The following CHMP1A variants were observed in gnomAD, a reference collection of about 807,000 sequenced individuals.
The protein encoded by CHMP1A is charged multivesicular body protein 1A.
Under a neutral mutation model 27.0 loss-of-function variants are expected in CHMP1A, and 17 were observed. The ratio of observed to expected loss-of-function variants is 0.63; its 90% CI spans 0.43 to 0.95. The LOEUF (loss-of-function observed/expected upper bound fraction) is 0.95, where lower values mean the gene tolerates loss of function less well. Among genes scored for constraint, CHMP1A ranks in the 40% least tolerant of loss-of-function variants. The pLI is 0.00. For synonymous variants in CHMP1A, 131 were observed against 107.5 expected, an observed-to-expected ratio of 1.22 and a Z score of -1.35; for missense variants, 275 against 264.0, an observed-to-expected ratio of 1.04 and a Z score of -0.29.
At position 89,646,008 on chromosome 16, in the gene CHMP1A, G is replaced by A; in HGVS notation, c.*58C>T. ...ACAAAGGCAAGACGCGGTGGGGAGA[G>A]GACAGGAGCCTTCCAGCACATCACG... On this transcript the variant is annotated 3_prime_UTR_variant, in exon 7 of 7. Transcript: ENST00000397901. 1.2e-6 allele frequency: 2 copies of A among 1,610,188 alleles called. No individual in the cohort carries two copies. The highest frequency in any genetic ancestry group is 1.7e-6 in the Non-Finnish European group (2 of 1,178,706).
chr16:89,653,172 C>T (rs1347479819), intron 2 of CHMP1A, among the ~76,000 whole-genome samples: 1 of 150,920 alleles, frequency 6.6e-6, no homozygotes, highest in Admixed American at 6.6e-5. Flanking sequence ...TGCCTGCCAC[C>T]GCGCCCGGCT....
chr16:89,657,504 G>A (rs562089695), intron 1 of CHMP1A, 78 bp downstream of exon 1: 2 of 1,576,770 alleles, frequency 1.3e-6, no homozygotes, highest in Admixed American at 3.6e-5. Context: ...GCGGCCCCAG[G>A]TGGGCGGAGC....
chr16:89,657,454 G>T (rs1597796327), intron 1 of CHMP1A, 128 bp downstream of exon 1: 1 of 1,174,894 alleles, frequency 8.5e-7, no homozygotes, highest in Non-Finnish European at 1.2e-6. Context: ...GGGTCCCGGG[G>T]GATCGACGGT....
intron 3 of CHMP1A, 165 bp from the exon 4 acceptor site, chr16:89,649,662 G>A (rs1001776666): frequency 6.6e-5 from 50 of 760,600 alleles, no homozygotes; most frequent in Middle Eastern, 3.5e-4. Flanking sequence ...CGCAAGCTCC[G>A]CCCCCCAGGT....
Position 89,657,490 on chromosome 16 carries a change from G to C in CHMP1A, c.7+92C>G. 2.6e-6 allele frequency: 4 copies of C among 1,522,374 alleles called. No individual in the cohort carries two copies. The Admixed American group carries it at 7.5e-5, about 28-fold the overall frequency. The allele number at this position is 1,522,374 out of a possible 1,614,324, so 94.3% of individuals were successfully genotyped here. On this transcript the variant is annotated intron_variant, in intron 1 of 6. Transcript: ENST00000397901. ...CGAGGCCCGAGCTCTCCTGAGTCCT[G>C]CCCGCGGCCCCAGGTGGGCGGAGCC...
At position 89,645,987 on chromosome 16, in the gene CHMP1A, AGGCAAGACGC is replaced by A; in HGVS notation, c.*69_*78del. The A allele has an allele frequency of 6.2e-7, 1 of 1,612,426 alleles. No individual in the cohort carries two copies. ...CCGCAGCCCCGCGGGGTCAGCACAA[AGGCAAGACGC>A]GGTGGGGAGAGGACAGGAGCCTTCC... On this transcript the variant is annotated 3_prime_UTR_variant, in exon 7 of 7. Transcript: ENST00000397901.
chr16:89,654,970 T>A (rs992963472), intron 1 of CHMP1A, among the ~76,000 whole-genome samples: 25 of 152,036 alleles, frequency 1.6e-4, no homozygotes, highest in Middle Eastern at 3.4e-3. Context: ...ATATTTTTTT[T>A]AAAAAGTAGG....
rs2059770730 is a variant in CHMP1A, at chr16:89,646,008, G to C, written c.*58C>G. The C allele has an allele frequency of 1.9e-6, 3 of 1,610,070 alleles. No individual in the cohort carries two copies. Among genetic ancestry groups the C allele is most frequent in the Non-Finnish European group, 2.5e-6 (3 of 1,178,714 alleles). ...ACAAAGGCAAGACGCGGTGGGGAGA[G>C]GACAGGAGCCTTCCAGCACATCACG... On this transcript the variant is annotated 3_prime_UTR_variant, in exon 7 of 7. Coordinates refer to ENST00000397901, the MANE Select transcript of CHMP1A (RefSeq NM_002768.5).
At chr16:89,657,404 G>T (rs545189841) in intron 1 of CHMP1A, among the ~76,000 whole-genome samples, 178 bp downstream of exon 1, 1 of 151,090 alleles carries the variant, frequency 6.6e-6, no homozygotes, top group African/African-American at 2.4e-5. Context: ...CGACGACCGG[G>T]AAAAGGGGTC....
chr16:89,647,165 G>C, intron 5 of CHMP1A, 38 bp downstream of exon 5: 2 of 1,602,096 alleles, frequency 1.2e-6, no homozygotes, highest in East Asian at 4.5e-5. Context: ...CACGCTCCTT[G>C]TCCCCAGGCC....
intron 4 of CHMP1A, among the ~76,000 whole-genome samples, 188 bp from the exon 5 acceptor site, chr16:89,647,519 T>G (rs940852433): frequency 6.8e-5 from 10 of 147,524 alleles, no homozygotes; most frequent in Admixed American, 4.1e-4. Context: ...GAAAAGGCCA[T>G]GGAGACCCAG....
chr16:89,652,720 T>C (rs2059834823), intron 2 of CHMP1A, among the ~76,000 whole-genome samples: 1 of 152,196 alleles, frequency 6.6e-6, no homozygotes, highest in Non-Finnish European at 1.5e-5. Context: ...CAACAGCAAC[T>C]GACAGGCCCA....
intron 6 of CHMP1A, 87 bp downstream of exon 6, chr16:89,646,440 T>C: frequency 1.5e-6 from 2 of 1,378,876 alleles, no homozygotes; most frequent in Non-Finnish European, 2.0e-6. Flanking sequence ...CAAGCTCTCC[T>C]CCAGCCTCTA....
In CHMP1A at chr16:89,645,815, G is replaced by T; in HGVS notation, c.*251C>A. On this transcript the variant is annotated 3_prime_UTR_variant, in exon 7 of 7. Transcript: ENST00000397901. Reference sequence around the variant, plus strand: ...CCACAGGGCCCCTCTTGGCCTCCCCGCTGTGGGCCCAGAGTCACAGAAATC... The same window carrying T: ...CCACAGGGCCCCTCTTGGCCTCCCCTCTGTGGGCCCAGAGTCACAGAAATC... The T allele has an allele frequency of 8.1e-7, 1 of 1,234,522 alleles. No individual in the cohort carries two copies. Among genetic ancestry groups the T allele is most frequent in the South Asian group, 1.5e-5 (1 of 66,984 alleles). The allele number at this position is 1,234,522 out of a possible 1,614,324, so 76.5% of individuals were successfully genotyped here. A position where few individuals can be genotyped will look rare whatever the true frequency, so the allele number is the denominator to read the frequency against.
At chr16:89,652,948 A>T (rs2059836329) in intron 2 of CHMP1A, among the ~76,000 whole-genome samples, 1 of 150,980 alleles carries the variant, frequency 6.6e-6, no homozygotes, top group Admixed American at 6.6e-5. Flanking sequence ...CCTTCAAATG[A>T]TCTCAAAGAA....
intron 3 of CHMP1A, among the ~76,000 whole-genome samples, chr16:89,650,802 TC>T (rs2059818105): frequency 8.2e-6 from 1 of 121,884 alleles, no homozygotes; most frequent in African/African-American, 2.6e-5. Flanking sequence ...AGACTCCATC[TC>T]AAAAAAAAAA....
Position 89,645,679 on chromosome 16 carries a change from G to C in CHMP1A, c.*387C>G. ...CCTGCCCGCTGAGGTGGTGCGGAGA[G>C]GCCTCAGGGAGTTGTTTGGCAACAG... is the stretch of plus-strand genomic sequence containing the variant. On this transcript the variant is annotated 3_prime_UTR_variant, in exon 7 of 7. Coordinates refer to ENST00000397901, the MANE Select transcript of CHMP1A (RefSeq NM_002768.5). 1 of 360,816 alleles carries C rather than the reference G, an allele frequency of 2.8e-6. No individual in the cohort carries two copies. Among genetic ancestry groups the C allele is most frequent in the Non-Finnish European group, 5.2e-6 (1 of 191,298 alleles). 22.4% of individuals were successfully genotyped at this position (360,816 alleles called of 1,614,324 possible).
intron 3 of CHMP1A, among the ~76,000 whole-genome samples, chr16:89,651,082 C>A (rs2059819863): frequency 1.3e-5 from 2 of 151,934 alleles, no homozygotes; most frequent in South Asian, 4.2e-4. Context: ...GCTCAGAAAT[C>A]ATAGTGAGGA....
rs367970292 is a variant in CHMP1A, at chr16:89,645,998, G to A, written c.*68C>T. On this transcript the variant is annotated 3_prime_UTR_variant, in exon 7 of 7. Transcript: ENST00000397901. Reference sequence around the variant, plus strand: ...CGGGGTCAGCACAAAGGCAAGACGCGGTGGGGAGAGGACAGGAGCCTTCCA... The same window carrying A: ...CGGGGTCAGCACAAAGGCAAGACGCAGTGGGGAGAGGACAGGAGCCTTCCA... The A allele has an allele frequency of 1.3e-4, 210 of 1,611,904 alleles. 1 individual carries two copies. In the East Asian group the frequency reaches 1.7e-3, roughly 13 times the overall value.
Sources: gnomAD v4.1 joint callset for allele counts (sites outside exome capture counted in the v4.1 genomes callset) on GRCh38, gnomAD v4.1.1 for gene constraint, MANE v1.5 for transcripts, NCBI Gene and HGNC (gene_info 2026-07-23, HGNC 2026-07-21) for gene names.